The following PRIM2 variants were observed in gnomAD, a reference collection of about 807,000 sequenced individuals.
PRIM2 encodes the protein DNA primase subunit 2.
A neutral mutation model predicts 67.3 loss-of-function variants in PRIM2; 39 were observed. The ratio of observed to expected loss-of-function variants is 0.58; its 90% confidence interval spans 0.45 to 0.76. The LOEUF (loss-of-function observed/expected upper bound fraction) is 0.76, where lower values mean the gene tolerates loss of function less well. Ranked by LOEUF, PRIM2 falls within the 30% of genes least tolerant of loss-of-function variation. The pLI, the probability that PRIM2 is intolerant of heterozygous loss-of-function variation, is 0.00. For missense variants in PRIM2, 398 were observed against 598.7 expected (o/e 0.66, Z 3.50); for synonymous variants, 143 against 198.7 (o/e 0.72, Z 2.36).
the PRIM2 span, among the ~76,000 whole-genome samples, chr6:57,290,452 A>G: frequency 2.0e-5 from 3 of 152,228 alleles, no homozygotes; most frequent in African/African-American, 7.2e-5. Flanking sequence ...TCAATGAGAC[A>G]GAAGGTTAGC....
At chr6:57,434,755 C>T (rs945245547) in intron 7 of PRIM2, among the ~76,000 whole-genome samples, 3 of 151,648 alleles carry the variant, frequency 2.0e-5, no homozygotes, top group African/African-American at 7.3e-5. Context: ...AATCCTGGGT[C>T]TCTGCTCTCT....
intron 10 of PRIM2, among the ~76,000 whole-genome samples, chr6:57,578,179 T>A (rs1184827385): frequency 1.3e-5 from 2 of 152,214 alleles, no homozygotes; most frequent in African/African-American, 2.4e-5. Context: ...GGGCATGTGA[T>A]ATCAACACTT....
chr6:57,539,087 C>G (rs1272039893), intron 10 of PRIM2, among the ~76,000 whole-genome samples: 1 of 152,114 alleles, frequency 6.6e-6, no homozygotes, highest in African/African-American at 2.4e-5. Context: ...GTTTTAAAAA[C>G]TGTCTTCATC....
At position 57,567,866 on chromosome 6, in the gene PRIM2, A is replaced by G. The variant is rs1161770336; in HGVS notation, c.1020+30241A>G. 3.3e-5 allele frequency among the ~76,000 whole-genome samples: 5 copies of G among 152,274 alleles called. No homozygotes were observed. The East Asian group carries it at 9.6e-4, about 29-fold the overall frequency. ...AGCAAGCAAAATCATATTTTTCCAG[A>G]CGTACTGCAGGGAAATCTGCCTGTA... On this transcript the variant is annotated intron_variant, in intron 10 of 13. Coordinates refer to ENST00000615550, the MANE Select transcript of PRIM2 (RefSeq NM_000947.5).
At chr6:57,459,164 T>C (rs1772914908) in intron 7 of PRIM2, among the ~76,000 whole-genome samples, 1 of 152,208 alleles carries the variant, frequency 6.6e-6, no homozygotes, top group Non-Finnish European at 1.5e-5. Flanking sequence ...TTTCTTTATC[T>C]GTAAAATGAT....
chr6:57,503,981 T>G (rs1291542963), intron 7 of PRIM2, among the ~76,000 whole-genome samples: 2 of 152,116 alleles, frequency 1.3e-5, no homozygotes, highest in Non-Finnish European at 2.9e-5. Context: ...ATCTGTGAGG[T>G]AAAGTGAATC....
At chr6:57,344,784 C>T (rs1344612899) in intron 5 of PRIM2, among the ~76,000 whole-genome samples, 1 of 152,080 alleles carries the variant, frequency 6.6e-6, no homozygotes, top group Non-Finnish European at 1.5e-5. Flanking sequence ...GGCAGATGGT[C>T]TTAGTGACAA....
intron 5 of PRIM2, among the ~76,000 whole-genome samples, chr6:57,337,917 G>T (rs1383436765): frequency 6.6e-6 from 1 of 152,022 alleles, no homozygotes; most frequent in African/African-American, 2.4e-5. Context: ...ATGAATCCAG[G>T]AGCTGGTTTT....
At chr6:57,439,307 C>T (rs28651079) in intron 7 of PRIM2, among the ~76,000 whole-genome samples, 7 of 145,472 alleles carry the variant, frequency 4.8e-5, no homozygotes, top group African/African-American at 7.5e-5. Context: ...TGTTTCTGAG[C>T]GTTCTCTGTA....
chr6:57,430,447 GTTTTTTTTTTTTT>G (rs71687266), intron 7 of PRIM2, among the ~76,000 whole-genome samples: 1 of 78,136 alleles, frequency 1.3e-5, no homozygotes, highest in Non-Finnish European at 2.5e-5. Flanking sequence ...TTCTTTCTTT[GTTTTTTTTTTTTT>G]TTTTTTTTTT....
the PRIM2 span, among the ~76,000 whole-genome samples, chr6:57,302,835 T>A: frequency 6.6e-6 from 1 of 152,190 alleles, no homozygotes; most frequent in Non-Finnish European, 1.5e-5. Flanking sequence ...AGAAGATCGT[T>A]TTCTAAGATT....
intron 13 of PRIM2, among the ~76,000 whole-genome samples, chr6:57,644,051 A>G (rs1777292509): frequency 2.0e-5 from 3 of 152,156 alleles, no homozygotes; most frequent in Non-Finnish European, 1.5e-5. Context: ...GATTATACAT[A>G]GCTTTAATCA....
At chr6:57,337,543 A>G (rs1426544351) in intron 5 of PRIM2, among the ~76,000 whole-genome samples, 4 of 152,116 alleles carry the variant, frequency 2.6e-5, no homozygotes, top group Non-Finnish European at 5.9e-5. Flanking sequence ...ACTAGAACTC[A>G]GGATTAAGAA....
At chr6:57,307,549 T>A in the PRIM2 span, among the ~76,000 whole-genome samples, 1 of 152,112 alleles carries the variant, frequency 6.6e-6, no homozygotes, top group Non-Finnish European at 1.5e-5. Flanking sequence ...AGGATGGTTT[T>A]TTTTGCAGAG....
chr6:57,452,245 T>C (rs112872903), intron 7 of PRIM2, among the ~76,000 whole-genome samples: 3 of 152,266 alleles, frequency 2.0e-5, no homozygotes, highest in South Asian at 4.1e-4. Flanking sequence ...AATAAACATA[T>C]GTGTGCATGT....
intron 7 of PRIM2, among the ~76,000 whole-genome samples, chr6:57,472,567 T>A (rs1293370247): frequency 6.6e-6 from 1 of 152,214 alleles, no homozygotes; most frequent in Non-Finnish European, 1.5e-5. Flanking sequence ...GATTCCTAGC[T>A]GGCTACACTT....
intron 11 of PRIM2, 59 bp from the exon 12 acceptor site, chr6:57,606,316 T>C: frequency 7.2e-7 from 1 of 1,388,942 alleles, no homozygotes; most frequent in African/African-American, 1.4e-5. Flanking sequence ...GAGTGTGGTG[T>C]TGTACTAAGT....
chr6:57,375,537 T>C (rs1438046263), intron 5 of PRIM2, among the ~76,000 whole-genome samples: 2 of 152,170 alleles, frequency 1.3e-5, no homozygotes, highest in African/African-American at 2.4e-5. Flanking sequence ...TCCTTTTTTT[T>C]GTTGTATCTC....
intron 5 of PRIM2, among the ~76,000 whole-genome samples, chr6:57,344,924 G>C (rs1488889306): frequency 6.6e-6 from 1 of 152,036 alleles, no homozygotes; most frequent in Non-Finnish European, 1.5e-5. Context: ...TACCCTTAAA[G>C]GCTAAAATTA....
Sources: gnomAD v4.1 joint callset for allele counts (sites outside exome capture counted in the v4.1 genomes callset) on GRCh38, gnomAD v4.1.1 for gene constraint, MANE v1.5 for transcripts, NCBI Gene and HGNC (gene_info 2026-07-23, HGNC 2026-07-21) for gene names.